PCDHA11: variants seen among roughly 807,000 people sequenced by gnomAD.
PCDHA11 encodes the protein protocadherin alpha 11.
A neutral mutation model predicts 70.3 loss-of-function variants in PCDHA11; 61 were observed. The ratio of observed to expected loss-of-function variants is 0.87; its 90% confidence interval spans 0.71 to 1.07. The LOEUF is 1.07. PCDHA11 is among the 50% of genes least tolerant of loss of function. The pLI is 0.00. For missense variants in PCDHA11, 1,324 were observed against 1,237.5 expected, an observed-to-expected ratio of 1.07 and a Z score of -1.05; for synonymous variants, 633 against 555.1, an observed-to-expected ratio of 1.14 and a Z score of -1.97.
chr5:140,873,706 G>T (rs1419666886), intron 1 of PCDHA11, among the ~76,000 whole-genome samples: 1 of 152,132 alleles, frequency 6.6e-6, no homozygotes, highest in Non-Finnish European at 1.5e-5. Context: ...TATCACCCAG[G>T]CTGGTGTGCA....
Position 140,870,432 on chromosome 5 carries a change from G to T in PCDHA11, c.1329G>T (p.Glu443Asp), listed in dbSNP as rs368823990. The change falls in exon 1 of 4, where the codon GAG (glutamate) becomes GAT (aspartate). Residue 443 changes from glutamate to aspartate, a missense_variant. Coordinates refer to ENST00000398640, the MANE Select transcript of PCDHA11 (RefSeq NM_018902.5). ...GGGCCACGGCCAGGGTATCCGTGGA[G>T]GTGGCCGACGTGAACGACAATGCGC... ...SLWATARVSV[E>D]VADVNDNAPA... is the part of the protein sequence containing the mutation. The T allele has an allele frequency of 4.3e-6, 7 of 1,614,134 alleles. No individual in the cohort carries two copies. The highest frequency in any genetic ancestry group is 5.1e-6 in the Non-Finnish European group (6 of 1,180,060).
At chr5:141,007,891 T>G (rs2098350311) in intron 3 of PCDHA11, among the ~76,000 whole-genome samples, 1 of 152,232 alleles carries the variant, frequency 6.6e-6, no homozygotes, top group Admixed American at 6.5e-5. Flanking sequence ...CTTTAAAAAT[T>G]TATTGTTCTT....
At chr5:140,958,199 A>G (rs2095413345) in intron 1 of PCDHA11, among the ~76,000 whole-genome samples, 1 of 152,140 alleles carries the variant, frequency 6.6e-6, no homozygotes, top group Non-Finnish European at 1.5e-5. Context: ...GGTCTAGTAT[A>G]CAAGGGAATT....
In PCDHA11 at chr5:140,968,959, C is replaced by T. The variant is rs782079520; in HGVS notation, c.2392-9990C>T. ...TCATCATTTTGAGCATCATCAAGTG[C>T]TACCGCTACACTGCGTATGGCACTG... On this transcript the variant is annotated intron_variant, in intron 1 of 3. Transcript: ENST00000398640. The T allele has an allele frequency of 1.5e-5, 25 of 1,614,182 alleles. 1 individual carries two copies. In the Middle Eastern group the frequency reaches 1.8e-3, roughly 117 times the overall value.
intron 1 of PCDHA11, chr5:140,883,616 G>C: frequency 6.2e-7 from 1 of 1,614,014 alleles, no homozygotes; most frequent in Non-Finnish European, 8.5e-7. Flanking sequence ...CGACGTGAAC[G>C]ACAACGCGCC....
At chr5:140,877,637 G>C in intron 1 of PCDHA11, 1 of 1,613,638 alleles carries the variant, frequency 6.2e-7, no homozygotes, top group South Asian at 1.1e-5. Context: ...ACTGCGCTGC[G>C]TTGCTCAGCG....
intron 1 of PCDHA11, chr5:140,884,510 T>G: frequency 6.2e-7 from 1 of 1,613,982 alleles, no homozygotes; most frequent in Non-Finnish European, 8.5e-7. Flanking sequence ...GGCAGGGAGT[T>G]GGTCGTACTC....
intron 1 of PCDHA11, among the ~76,000 whole-genome samples, chr5:140,940,306 T>C (rs2092590981): frequency 6.6e-6 from 1 of 152,200 alleles, no homozygotes; most frequent in Non-Finnish European, 1.5e-5. Context: ...TAATTTATTA[T>C]CTTTCTTCCA....
chr5:140,967,185 A>G, intron 1 of PCDHA11: 1 of 1,613,242 alleles, frequency 6.2e-7, no homozygotes, highest in Non-Finnish European at 8.5e-7. Context: ...GAAATATTGG[A>G]CATCAACGAC....
chr5:140,985,039 G>A lies in PCDHA11; in HGVS notation c.2539+2476G>A, dbSNP rs112093918. Among the ~76,000 whole-genome samples the A allele has an allele frequency of 5.2e-3, 789 of 152,178 alleles. 6 individuals carry two copies. Among genetic ancestry groups the A allele is most frequent in the African/African-American group, 0.018 (750 of 41,516 alleles). ...AGCAACCTCTGCCTCCTGGGTTCAA[G>A]TGATTCTCCTGCCTCAGCCTCCTGA... On this transcript the variant is annotated intron_variant, in intron 3 of 3. Transcript: ENST00000398640.
intron 1 of PCDHA11, chr5:140,930,576 T>C (rs1554207933): frequency 1.3e-5 from 2 of 152,582 alleles, no homozygotes; most frequent in Non-Finnish European, 2.9e-5. Flanking sequence ...TCTACGGTAT[T>C]ACTTTTTGAC....
chr5:140,992,400 T>C (rs1019164556), intron 3 of PCDHA11, among the ~76,000 whole-genome samples: 1 of 152,124 alleles, frequency 6.6e-6, no homozygotes, highest in Admixed American at 6.5e-5. Context: ...CTTAGAGATA[T>C]TGTTCTGCCC....
intron 1 of PCDHA11, among the ~76,000 whole-genome samples, chr5:140,879,793 C>T (rs1417873343): frequency 2.0e-5 from 3 of 152,192 alleles, no homozygotes; most frequent in Admixed American, 6.5e-5. Flanking sequence ...GTTTTTGTTT[C>T]TTCCAGTTTC....
In PCDHA11 at chr5:141,012,204, T is replaced by C. The variant is rs1053312501; in HGVS notation, c.*2267T>C. The C allele has an allele frequency of 1.3e-5, 2 of 153,800 alleles. No homozygotes were observed. Among genetic ancestry groups the C allele is most frequent in the African/African-American group, 4.8e-5 (2 of 41,474 alleles). 9.5% of individuals were successfully genotyped at this position (153,800 alleles called of 1,614,324 possible). On this transcript the variant is annotated 3_prime_UTR_variant, in exon 4 of 4. Transcript: ENST00000398640. ...TATAATGTATCTGTACAGCACTTTT[T>C]ACATTTGCGAAGTGCTTTCCAATCC...
intron 1 of PCDHA11, chr5:140,927,278 T>C: frequency 6.2e-7 from 1 of 1,614,094 alleles, no homozygotes; most frequent in Non-Finnish European, 8.5e-7. Flanking sequence ...GCCGGCGACG[T>C]GCAGCTGCAC....
chr5:140,950,862 A>G (rs2094526538), intron 1 of PCDHA11, among the ~76,000 whole-genome samples: 1 of 151,952 alleles, frequency 6.6e-6, no homozygotes, highest in African/African-American at 2.4e-5. Context: ...ATATTCTTGT[A>G]TATTCTATAT....
intron 1 of PCDHA11, among the ~76,000 whole-genome samples, chr5:140,878,693 C>T (rs932928385): frequency 6.6e-6 from 1 of 152,136 alleles, no homozygotes; most frequent in South Asian, 2.1e-4. Context: ...TCTTACATAC[C>T]CCAGCCTGGT....
intron 3 of PCDHA11, among the ~76,000 whole-genome samples, chr5:141,008,506 T>G (rs1362141784): frequency 5.9e-5 from 9 of 152,202 alleles, no homozygotes; most frequent in African/African-American, 2.2e-4. Context: ...CTTTATGGTG[T>G]GTCTTCCAAT....
In PCDHA11 at chr5:140,884,393, A is replaced by T. The variant is rs782150859; in HGVS notation, c.2391+12899A>T. 6.8e-6 allele frequency: 11 copies of T among 1,613,878 alleles called. No individual in the cohort carries two copies. In the South Asian group the frequency reaches 1.1e-4, roughly 16 times the overall value. On this transcript the variant is annotated intron_variant, in intron 1 of 3. Transcript: ENST00000398640. Reference sequence around the variant, plus strand: ...GATCATTGCCATCTGCGCGGTGTCCAGCCTGTTGGTGCTCACGTTGCTGCT... The same window carrying T: ...GATCATTGCCATCTGCGCGGTGTCCTGCCTGTTGGTGCTCACGTTGCTGCT...
Sources: allele counts gnomAD v4.1 joint callset (sites outside exome capture counted in the v4.1 genomes callset), GRCh38; gene constraint gnomAD v4.1.1; transcripts MANE v1.5; gene names NCBI Gene and HGNC (gene_info 2026-07-23, HGNC 2026-07-21).